PLD5: variants seen among roughly 807,000 people sequenced by gnomAD.
PLD5 encodes phospholipase D family member 5, also known as inactive phospholipase D5.
PLD5 carries 36 observed loss-of-function variants against 61.1 expected under a neutral mutation model. The ratio of observed to expected loss-of-function variants is 0.59; its 90% CI spans 0.45 to 0.78. PLD5 has a LOEUF of 0.78. Among genes scored for constraint, PLD5 ranks in the 30% least tolerant of loss-of-function variants. The pLI, the probability that PLD5 is intolerant of heterozygous loss-of-function variation, is 0.00. For missense variants in PLD5, 515 were observed against 644.4 expected, an observed-to-expected ratio of 0.80 and a Z score of 2.17; for synonymous variants, 243 against 242.8, an observed-to-expected ratio of 1.00 and a Z score of -0.01.
At chr1:242,287,923 T>C (rs532824847) in intron 3 of PLD5, among the ~76,000 whole-genome samples, 1 of 152,152 alleles carries the variant, frequency 6.6e-6, no homozygotes, top group Non-Finnish European at 1.5e-5. Flanking sequence ...ATTAAAAAAA[T>C]GTGGCTGTGG....
Position 242,440,346 on chromosome 1 carries a change from C to T in PLD5, c.189+83742G>A, listed in dbSNP as rs552888212. Among the ~76,000 whole-genome samples, 18 of 152,166 alleles carry T rather than the reference C, an allele frequency of 1.2e-4. No individual in the cohort carries two copies. The East Asian group carries it at 2.5e-3, about 21-fold the overall frequency. On this transcript the variant is annotated intron_variant, in intron 1 of 9. Transcript: ENST00000536534. ...GTCACAGGAATTAATTGGGACCAGC[C>T]GACAATGTTGTTCTGAGTTGTGGGG... is the stretch of plus-strand genomic sequence containing the variant.
At chr1:242,219,867 C>A in intron 5 of PLD5, 121 bp downstream of exon 5, 1 of 1,125,620 alleles carries the variant, frequency 8.9e-7, no homozygotes, top group Admixed American at 2.9e-5. Context: ...CCTCTTAAAA[C>A]TACAGTTAAG....
In PLD5 at chr1:242,255,577, C is replaced by T. The variant is rs1316506152; in HGVS notation, c.607+9760G>A. ...ATAACCTGCACGTTGTGCACATGTA[C>T]CCTAAAACTTAAAGTATAATAAAAA... On this transcript the variant is annotated intron_variant, in intron 4 of 9. Transcript: ENST00000536534. Among the ~76,000 whole-genome samples the T allele has an allele frequency of 7.2e-5, 11 of 152,310 alleles. No individual in the cohort carries two copies. In the South Asian group the frequency reaches 1.0e-3, roughly 14 times the overall value.
rs1034993615 is a variant in PLD5, at chr1:242,251,056, G to C, written c.607+14281C>G. Reference sequence around the variant, plus strand: ...ACTGAGATAAAACTTAATGGAAGAAGAACATGGAGGGCCAGGTGGGGGTGG... The same window carrying C: ...ACTGAGATAAAACTTAATGGAAGAACAACATGGAGGGCCAGGTGGGGGTGG... On this transcript the variant is annotated intron_variant, in intron 4 of 9. Transcript: ENST00000536534. Among the ~76,000 whole-genome samples, 12 of 152,316 alleles carry C rather than the reference G, an allele frequency of 7.9e-5. No homozygotes were observed. In the South Asian group the frequency reaches 1.2e-3, roughly 16 times the overall value.
At chr1:242,330,072 C>A (rs143184992) in intron 2 of PLD5, among the ~76,000 whole-genome samples, 62 of 152,174 alleles carry the variant, frequency 4.1e-4, no homozygotes, top group African/African-American at 1.3e-3. Context: ...AAATTATGAT[C>A]CTCTTGAATT....
chr1:242,333,455 T>A (rs1304482270), intron 2 of PLD5, among the ~76,000 whole-genome samples: 1 of 152,168 alleles, frequency 6.6e-6, no homozygotes, highest in African/African-American at 2.4e-5. Context: ...GGGCAACGCC[T>A]CTGGTGGGTC....
chr1:242,377,497 C>A, intron 1 of PLD5: 1 of 643,708 alleles, frequency 1.6e-6, no homozygotes, highest in Non-Finnish European at 2.8e-6. Flanking sequence ...CAGCTTCTTC[C>A]AACAAAAGCC....
chr1:242,302,785 A>C (rs1490518260), intron 2 of PLD5, among the ~76,000 whole-genome samples: 2 of 152,206 alleles, frequency 1.3e-5, no homozygotes, highest in African/African-American at 4.8e-5. Context: ...GTATCTCCCA[A>C]ATACATATGA....
chr1:242,444,273 T>C (rs1040163290), intron 1 of PLD5, among the ~76,000 whole-genome samples: 1 of 152,140 alleles, frequency 6.6e-6, no homozygotes, highest in Non-Finnish European at 1.5e-5. Context: ...CAATACTTCT[T>C]TTTCCAATAA....
intron 1 of PLD5, among the ~76,000 whole-genome samples, chr1:242,506,122 A>T (rs1200334093): frequency 6.6e-6 from 1 of 152,168 alleles, no homozygotes; most frequent in African/African-American, 2.4e-5. Context: ...TACATAGAGA[A>T]TTTTAACACT....
chr1:242,249,210 C>G (rs1672568048), intron 4 of PLD5, among the ~76,000 whole-genome samples: 1 of 152,112 alleles, frequency 6.6e-6, no homozygotes, highest in Non-Finnish European at 1.5e-5. Flanking sequence ...CCATTGGGCT[C>G]CTCCCTTTTG....
chr1:242,362,882 C>T (rs112799044), intron 1 of PLD5, among the ~76,000 whole-genome samples: 144 of 146,020 alleles, frequency 9.9e-4, no homozygotes, highest in Middle Eastern at 3.5e-3. Context: ...TGCAAATGTA[C>T]ATCACCAGCC....
chr1:242,481,884 C>T lies in PLD5; in HGVS notation c.189+42204G>A, dbSNP rs1667790497. ...AACTTCCAGAGGAACGATCAGGCAG[C>T]AACATTTGCTGTTCACCAGTATCCA... On this transcript the variant is annotated intron_variant, in intron 1 of 9. Coordinates refer to ENST00000536534, the MANE Select transcript of PLD5 (RefSeq NM_001372062.1). Among the ~76,000 whole-genome samples, 6 of 152,188 alleles carry T rather than the reference C, an allele frequency of 3.9e-5. No homozygotes were observed. The South Asian group carries it at 1.0e-3, about 26-fold the overall frequency.
At chr1:242,329,257 G>T (rs1031639371) in intron 2 of PLD5, among the ~76,000 whole-genome samples, 1 of 152,090 alleles carries the variant, frequency 6.6e-6, no homozygotes, top group African/African-American at 2.4e-5. Flanking sequence ...TGATCTACCC[G>T]ACTCAGCCTC....
At chr1:242,283,916 G>A (rs1360318894) in intron 3 of PLD5, among the ~76,000 whole-genome samples, 2 of 152,030 alleles carry the variant, frequency 1.3e-5, no homozygotes, top group African/African-American at 4.8e-5. Context: ...TATAGGCAGT[G>A]AAGTTTTAGG....
At chr1:242,430,965 G>T (rs554925065) in intron 1 of PLD5, among the ~76,000 whole-genome samples, 1 of 152,194 alleles carries the variant, frequency 6.6e-6, no homozygotes, top group South Asian at 2.1e-4. Flanking sequence ...TGTCTGCTTT[G>T]GGAGGCAGGA....
At chr1:242,152,851 T>C (rs1665036582) in intron 5 of PLD5, among the ~76,000 whole-genome samples, 1 of 152,318 alleles carries the variant, frequency 6.6e-6, no homozygotes, top group East Asian at 1.9e-4. Flanking sequence ...GAATGATTTA[T>C]AATCCTTTGG....
intron 1 of PLD5, among the ~76,000 whole-genome samples, chr1:242,378,513 T>C (rs2149253218): frequency 6.6e-6 from 1 of 152,220 alleles, no homozygotes; most frequent in East Asian, 1.9e-4. Flanking sequence ...ATGGTAAATT[T>C]TATGTTATAC....
rs1447558536 is a variant in PLD5, at chr1:242,442,408, C to A, written c.189+81680G>T. On this transcript the variant is annotated intron_variant, in intron 1 of 9. Coordinates refer to ENST00000536534, the MANE Select transcript of PLD5 (RefSeq NM_001372062.1). ...GTGCAGCATCCAGGTATTACGTCCA[C>A]TTTATCCATGGCGGCACTGTTACAT... Among the ~76,000 whole-genome samples, 3 of 152,188 alleles carry A rather than the reference C, an allele frequency of 2.0e-5. No homozygotes were observed. In the East Asian group the frequency reaches 5.8e-4, roughly 29 times the overall value.
Sources: allele counts gnomAD v4.1 joint callset (sites outside exome capture counted in the v4.1 genomes callset), GRCh38; gene constraint gnomAD v4.1.1; transcripts MANE v1.5; gene names NCBI Gene and HGNC (gene_info 2026-07-23, HGNC 2026-07-21).